The following FRYL variants were observed in gnomAD, a reference collection of about 807,000 sequenced individuals.
FRYL encodes protein furry homolog-like.
FRYL carries 150 observed loss-of-function variants against 351.2 expected under a neutral mutation model. That is an observed-to-expected ratio of 0.43 (90% CI 0.37 to 0.49). The LOEUF (loss-of-function observed/expected upper bound fraction) is 0.49. FRYL is among the 20% of genes least tolerant of loss of function. The probability of loss-of-function intolerance (pLI) is 0.00; values close to 1 mark genes in which losing one functional copy is unlikely to be tolerated. For synonymous variants in FRYL, 1,153 were observed against 1,257.1 expected (o/e 0.92, Z 1.75); for missense variants, 3,036 against 3,619.3 (o/e 0.84, Z 4.13).
chr4:48,514,959 G>C, intron 56 of FRYL, 69 bp downstream of exon 56: 1 of 1,307,944 alleles, frequency 7.6e-7, no homozygotes, highest in Non-Finnish European at 1.1e-6. Flanking sequence ...GAAACAGAGG[G>C]GCACTCTTTG....
Position 48,556,966 on chromosome 4 carries a change from T to C in FRYL, c.4266+12A>G, listed in dbSNP as rs1284658624. The C allele has an allele frequency of 3.2e-6, 5 of 1,547,958 alleles. 1 individual carries two copies. The African/African-American group carries it at 6.9e-5, about 21-fold the overall frequency. On this transcript the variant is annotated intron_variant, in intron 35 of 63. Coordinates refer to ENST00000358350, the MANE Select transcript of FRYL (RefSeq NM_015030.2). ...ACATATATTTTAAAATTAAATGAACTTGAATACATACGTAAGGCAAGAGGC... is the reference window on the plus strand; with the variant it reads ...ACATATATTTTAAAATTAAATGAACCTGAATACATACGTAAGGCAAGAGGC...
chr4:48,663,138 C>T (rs973979882), intron 3 of FRYL, among the ~76,000 whole-genome samples: 1 of 151,826 alleles, frequency 6.6e-6, no homozygotes, highest in African/African-American at 2.4e-5. Flanking sequence ...AAGTAATTAA[C>T]AATGAACATT....
chr4:48,767,843 G>A (rs1274854622), intron 1 of FRYL, among the ~76,000 whole-genome samples: 2 of 152,120 alleles, frequency 1.3e-5, no homozygotes, highest in East Asian at 1.9e-4. Context: ...TTGCAGCTAC[G>A]GGTCCATTCT....
intron 33 of FRYL, among the ~76,000 whole-genome samples, chr4:48,558,022 A>T (rs1734519789): frequency 2.0e-5 from 3 of 152,242 alleles, no homozygotes; most frequent in Non-Finnish European, 4.4e-5. Context: ...AAAAAAATAA[A>T]AATAGAACTA....
At chr4:48,708,915 T>TTTTTTTG (rs112346457) in intron 2 of FRYL, among the ~76,000 whole-genome samples, 131,744 of 138,900 alleles carry the variant, frequency 0.95, 62,636 homozygotes, top group East Asian at 0.99. Context: ...CGTGTGTTTT[T>TTTTTTTG]TTTTTTGTTT....
At chr4:48,723,291 T>C (rs1461351071) in intron 1 of FRYL, among the ~76,000 whole-genome samples, 4 of 152,066 alleles carry the variant, frequency 2.6e-5, no homozygotes, top group Admixed American at 1.3e-4. Flanking sequence ...TAAAGGCATA[T>C]GGCACCATGC....
chr4:48,528,393 T>G, intron 50 of FRYL, 57 bp from the exon 51 acceptor site: 1 of 1,429,920 alleles, frequency 7.0e-7, no homozygotes, highest in Non-Finnish European at 9.5e-7. Context: ...AAAAGAAACT[T>G]AAAAGGGTTA....
intron 3 of FRYL, among the ~76,000 whole-genome samples, chr4:48,640,170 G>C (rs1174798949): frequency 6.6e-6 from 1 of 152,118 alleles, no homozygotes; most frequent in Admixed American, 6.6e-5. Flanking sequence ...TTACCCACAG[G>C]AGCTGAAGAC....
intron 27 of FRYL, among the ~76,000 whole-genome samples, chr4:48,568,910 T>C (rs1253781215): frequency 6.6e-6 from 1 of 152,168 alleles, no homozygotes; most frequent in Non-Finnish European, 1.5e-5. Context: ...TGAAATCCAC[T>C]AGGTGAACAA....
At chr4:48,519,878 T>G (rs993777413) in intron 55 of FRYL, among the ~76,000 whole-genome samples, 1 of 152,112 alleles carries the variant, frequency 6.6e-6, no homozygotes, top group Non-Finnish European at 1.5e-5. Flanking sequence ...GGACTACACG[T>G]GTGCACCACC....
intron 12 of FRYL, among the ~76,000 whole-genome samples, chr4:48,602,507 T>C (rs532021468): frequency 2.6e-4 from 39 of 152,166 alleles, no homozygotes; most frequent in South Asian, 2.5e-3. Context: ...AGCCTCACTT[T>C]CCAAACACAT....
At position 48,754,357 on chromosome 4, in the gene FRYL, A is replaced by G. The variant is rs144809940; in HGVS notation, c.-384+25721T>C. Among the ~76,000 whole-genome samples, 59 of 152,334 alleles carry G rather than the reference A, an allele frequency of 3.9e-4. No individual in the cohort carries two copies. The East Asian group carries it at 0.01, about 26-fold the overall frequency. On this transcript the variant is annotated intron_variant, in intron 1 of 63. Transcript: ENST00000358350. Reference sequence around the variant, plus strand: ...CTGAATAATACTCCATTGCATGGACATACCATATTTCGGTTATTCATTCAT... The same window carrying G: ...CTGAATAATACTCCATTGCATGGACGTACCATATTTCGGTTATTCATTCAT...
At chr4:48,713,621 C>A (rs1374094029) in intron 1 of FRYL, among the ~76,000 whole-genome samples, 3 of 152,112 alleles carry the variant, frequency 2.0e-5, no homozygotes, top group African/African-American at 7.2e-5. Context: ...ATTCATAAAG[C>A]AAGTCCTGAG....
intron 1 of FRYL, among the ~76,000 whole-genome samples, chr4:48,778,625 AT>A (rs1776279414): frequency 6.6e-6 from 1 of 152,226 alleles, no homozygotes; most frequent in South Asian, 2.1e-4. Flanking sequence ...GCTATCTCTG[AT>A]TTCCTCGGCA....
At chr4:48,533,825 C>CA (rs1211857549) in intron 49 of FRYL, among the ~76,000 whole-genome samples, 10 of 152,066 alleles carry the variant, frequency 6.6e-5, no homozygotes, top group Non-Finnish European at 1.5e-4. Flanking sequence ...ATCAGACACA[C>CA]AAAAAAATCT....
intron 3 of FRYL, among the ~76,000 whole-genome samples, chr4:48,670,600 A>G (rs1449057937): frequency 2.0e-5 from 3 of 151,974 alleles, no homozygotes; most frequent in African/African-American, 4.8e-5. Context: ...CTCTGATCTC[A>G]TCACTGCTTT....
chr4:48,606,249 G>C (rs1214668037), intron 10 of FRYL, among the ~76,000 whole-genome samples, 189 bp downstream of exon 10: 1 of 151,820 alleles, frequency 6.6e-6, no homozygotes, highest in Non-Finnish European at 1.5e-5. Flanking sequence ...CTCCAGCCTG[G>C]GTGACAGAGT....
intron 50 of FRYL, among the ~76,000 whole-genome samples, chr4:48,529,313 C>T (rs1387794131): frequency 2.6e-5 from 4 of 152,176 alleles, no homozygotes; most frequent in African/African-American, 9.7e-5. Flanking sequence ...TCCACTGGAC[C>T]ATGTGTGATT....
chr4:48,524,646 T>C (rs1199288942), intron 53 of FRYL, among the ~76,000 whole-genome samples: 1 of 152,142 alleles, frequency 6.6e-6, no homozygotes, highest in Non-Finnish European at 1.5e-5. Flanking sequence ...TAAATTAGCG[T>C]GCTCCACCCC....
Sources: gnomAD v4.1 joint callset for allele counts (sites outside exome capture counted in the v4.1 genomes callset) on GRCh38, gnomAD v4.1.1 for gene constraint, MANE v1.5 for transcripts, NCBI Gene and HGNC (gene_info 2026-07-23, HGNC 2026-07-21) for gene names.